SLC26A1: variants seen among roughly 807,000 people sequenced by gnomAD.
SLC26A1 encodes the protein sulfate anion transporter 1.
Under a neutral mutation model 14.5 loss-of-function variants are expected in SLC26A1, and 18 were observed. The observed-to-expected ratio is 1.24, with a 90% CI of 0.86 to 1.84. The LOEUF (loss-of-function observed/expected upper bound fraction) is 1.84. Among genes scored for constraint, SLC26A1 ranks in the 40% most tolerant of loss-of-function variants. SLC26A1 has a pLI of 0.00. For synonymous variants in SLC26A1, 505 were observed against 492.0 expected, an observed-to-expected ratio of 1.03 and a Z score of -0.35; for missense variants, 1,049 against 1,020.0, an observed-to-expected ratio of 1.03 and a Z score of -0.39.
downstream of SLC26A1, chr4:987,601 T>C (rs1713835761): frequency 6.3e-6 from 9 of 1,422,200 alleles, no homozygotes; most frequent in Non-Finnish European, 8.3e-6. Flanking sequence ...AGGGCTGGCG[T>C]TGGCCCCTCG....
In SLC26A1 at chr4:989,637, G is replaced by C. The variant is rs758993299; in HGVS notation, c.1302C>G (p.Phe434Leu). ...CCAGCACGCTTCGCTGTAGGTCGTG[G>C]AACAGCGGTGCCAGCGCCAGCAGCA... ...LLVLLALAPL[F>L]HDLQRSVLAC... Residue 434 changes from phenylalanine to leucine, a missense_variant, in exon 3 of 3, where the codon TTC (phenylalanine) becomes TTG (leucine). Transcript: ENST00000398516. 1 of 1,596,572 alleles carries C rather than the reference G, an allele frequency of 6.3e-7. No homozygotes were observed. Among genetic ancestry groups the C allele is most frequent in the East Asian group, 2.3e-5 (1 of 44,184 alleles).
downstream of SLC26A1, among the ~76,000 whole-genome samples, chr4:984,584 A>G (rs1713642727): frequency 1.3e-5 from 2 of 152,194 alleles, no homozygotes; most frequent in South Asian, 4.1e-4. Context: ...TAATCCCAGC[A>G]CTTTGGGAGG....
chr4:990,108 C>T lies in SLC26A1; in HGVS notation c.831G>A (p.Ala277=), dbSNP rs138700015. ...STVCLAVLLA[A]KELSDRYRHR... ...GTCGGTAGCGGTCTGAGAGCTCCTT[C>T]GCGGCTAGCAGCACCGCCAGGCACA... Residue 277 remains alanine, a synonymous_variant, in exon 3 of 3, where the codon GCG becomes GCA. Coordinates refer to ENST00000398516, the MANE Select transcript of SLC26A1 (RefSeq NM_022042.4). The T allele has an allele frequency of 4.4e-5, 70 of 1,588,130 alleles. No homozygotes were observed. The highest frequency in any genetic ancestry group is 4.4e-4 in the East Asian group (19 of 43,560).
chr4:989,728 ACCAGGCTCTTGG>A lies in SLC26A1; in HGVS notation c.1199_1210del (p.Ala400_Leu403del). The A allele has an allele frequency of 1.3e-6, 2 of 1,558,006 alleles. No individual in the cohort carries two copies. The highest frequency in any genetic ancestry group is 1.7e-6 in the Non-Finnish European group (2 of 1,151,434). ...TGTCCGGCAGCCAGTGGCTGTCTTC[ACCAGGCTCTTGG>A]CCAGGGCGGCGCTGGTGGCGAAGCA... is the stretch of plus-strand genomic sequence containing the variant. On this transcript the variant is annotated inframe_deletion, in exon 3 of 3. Transcript: ENST00000398516.
rs774781906 is a variant in SLC26A1 at position 990,178 on chromosome 4, C to T, written c.761G>A (p.Arg254His). The T allele has an allele frequency of 1.2e-5, 19 of 1,560,184 alleles. No individual in the cohort carries two copies. The East Asian group carries it at 1.7e-4, about 14-fold the overall frequency. ...MVVLTWLSLL[R>H]GAGQANVCDV... ...GCACACGTTGGCCTGCCCGGCGCCGCGCAGCAGGCTCAGCCATGTGAGGAC... is the reference window on the plus strand; with the variant it reads ...GCACACGTTGGCCTGCCCGGCGCCGTGCAGCAGGCTCAGCCATGTGAGGAC... Residue 254 changes from arginine to histidine, a missense_variant, in exon 3 of 3, where the codon CGC becomes CAC. Physicochemically the swap from Arg to His is conservative, Grantham distance 29. Coordinates refer to ENST00000398516, the MANE Select transcript of SLC26A1 (RefSeq NM_022042.4).
At chr4:981,127 A>G (rs1002401162) in intron 2 of SLC26A1, among the ~76,000 whole-genome samples, 2 of 152,178 alleles carry the variant, frequency 1.3e-5, no homozygotes, top group African/African-American at 4.8e-5. Context: ...TGGAAGCCGC[A>G]GTTCACCGCC....
At chr4:987,168 C>T, downstream of SLC26A1, 1 of 1,450,086 alleles carries the variant, frequency 6.9e-7, no homozygotes, top group Non-Finnish European at 9.0e-7. Flanking sequence ...CGGCCGAGGC[C>T]CCGCACCTGG....
rs143553272 is a variant in SLC26A1 at position 981,248 on chromosome 4, G to A, written c.577-1744C>T. Among the ~76,000 whole-genome samples, 8 of 152,352 alleles carry A rather than the reference G, an allele frequency of 5.3e-5. No homozygotes were observed. The South Asian group carries it at 6.2e-4, about 12-fold the overall frequency. ...ATGGAGAGCACCCTCCTACTGACAC[G>A]CAGTCCAGTATCTTTTCGTTCTTTT... On this transcript the variant is annotated intron_variant, in intron 2 of 2. Transcript: ENST00000398520.
chr4:982,625 G>A (rs554144662), intron 2 of SLC26A1, among the ~76,000 whole-genome samples: 38 of 152,340 alleles, frequency 2.5e-4, no homozygotes, highest in Admixed American at 1.3e-3. Context: ...TCTTCCCCAC[G>A]TTTATTATAA....
downstream of SLC26A1, among the ~76,000 whole-genome samples, chr4:984,499 C>T (rs1325061022): frequency 6.6e-6 from 1 of 152,202 alleles, no homozygotes; most frequent in African/African-American, 2.4e-5. Context: ...AAAAAATCTC[C>T]ATTCACAACC....
chr4:982,992 C>T (rs183338916), downstream of SLC26A1, among the ~76,000 whole-genome samples: 368 of 152,348 alleles, frequency 2.4e-3, 4 homozygotes, highest in African/African-American at 8.3e-3. Flanking sequence ...TGCCTGCAGG[C>T]GCTCGCCATG....
At chr4:987,230 G>A, downstream of SLC26A1, 1 of 1,509,202 alleles carries the variant, frequency 6.6e-7, no homozygotes, top group South Asian at 1.2e-5. Context: ...TTCTGGAGGA[G>A]CACAGGCTTC....
Position 988,730 on chromosome 4 carries a change from C to T in SLC26A1, c.*103G>A, listed in dbSNP as rs1713949285. On this transcript the variant is annotated 3_prime_UTR_variant, in exon 3 of 3. Transcript: ENST00000398516. ...GGGCAGCTGTGGCACAAGAGTGCAG[C>T]TCTTGGGTGGCTCCTCCCTGGGAAG... 2 of 1,431,718 alleles carry T rather than the reference C, an allele frequency of 1.4e-6. No homozygotes were observed. The highest frequency in any genetic ancestry group is 2.5e-5 in the East Asian group (1 of 39,284). 88.7% of individuals were successfully genotyped at this position (1,431,718 alleles called of 1,614,324 possible).
chr4:988,411 G>A lies in SLC26A1; in HGVS notation c.*422C>T. 1.9e-6 allele frequency: 2 copies of A among 1,059,162 alleles called. No homozygotes were observed. Among genetic ancestry groups the A allele is most frequent in the Non-Finnish European group, 2.3e-6 (2 of 877,354 alleles). The allele number at this position is 1,059,162 out of a possible 1,614,324, so 65.6% of individuals were successfully genotyped here. ...AAACACAGAGACCCTCGTGCACTTGGCCAGAGCCGCTGGCTCCTACCAGCA... is the reference window on the plus strand; with the variant it reads ...AAACACAGAGACCCTCGTGCACTTGACCAGAGCCGCTGGCTCCTACCAGCA... On this transcript the variant is annotated 3_prime_UTR_variant, in exon 3 of 3. Transcript: ENST00000398516.
downstream of SLC26A1, among the ~76,000 whole-genome samples, chr4:984,639 T>C (rs559505611): frequency 6.6e-6 from 1 of 152,066 alleles, no homozygotes; most frequent in Non-Finnish European, 1.5e-5. Flanking sequence ...GAGACCAGCC[T>C]GGCCAGGATG....
Position 989,948 on chromosome 4 carries a change from G to C in SLC26A1, c.991C>G (p.Gln331Glu). The C allele has an allele frequency of 6.4e-7, 1 of 1,555,828 alleles. No homozygotes were observed. The highest frequency in any genetic ancestry group is 8.7e-7 in the Non-Finnish European group (1 of 1,151,212). ...TGCATCAGCCTGGGCTCTGGGACCT[G>C]AGGGGGCATGAAACCCGTGGGGATG... ...GDIPTGFMPP[Q>E]VPEPRLMQRV... The change falls in exon 3 of 3, where the codon CAG becomes GAG. Residue 331 changes from glutamine to glutamate, a missense_variant. By Grantham distance (29) the Gln-to-Glu change is conservative (BLOSUM62 2). Transcript: ENST00000398516.
rs375959074 is a variant in SLC26A1, at chr4:991,374, G to A, written c.330C>T (p.Leu110=). ...GTGAGGTGCCCATGAGGAAGTAGAT[G>A]AGGTTGGCGAAGAAGGACGTATAGA... ...YSLYTSFFAN[L]IYFLMGTSRH... is the part of the protein sequence containing the mutation. The change falls in exon 2 of 3, where the codon CTC becomes CTT. Residue 110 remains leucine, a synonymous_variant. Transcript: ENST00000398516. The A allele has an allele frequency of 3.7e-6, 6 of 1,612,748 alleles. No homozygotes were observed. The highest frequency in any genetic ancestry group is 2.2e-5 in the South Asian group (2 of 91,096).
intron 2 of SLC26A1, among the ~76,000 whole-genome samples, chr4:982,039 T>C (rs538014974): frequency 6.6e-6 from 1 of 152,222 alleles, no homozygotes; most frequent in East Asian, 1.9e-4. Flanking sequence ...CAGGATGGTC[T>C]CTATCTCCTG....
chr4:982,110 C>T (rs971009737), intron 2 of SLC26A1, among the ~76,000 whole-genome samples: 4 of 151,658 alleles, frequency 2.6e-5, no homozygotes, highest in East Asian at 1.9e-4. Context: ...TGAGCCAGCG[C>T]GCCTGGCCCA....
Sources: allele counts gnomAD v4.1 joint callset (sites outside exome capture counted in the v4.1 genomes callset), GRCh38; gene constraint gnomAD v4.1.1; transcripts MANE v1.5; gene names NCBI Gene and HGNC (gene_info 2026-07-23, HGNC 2026-07-21).